RREB1: variants seen among roughly 807,000 people sequenced by gnomAD.
The protein encoded by RREB1 is ras responsive element binding protein 1, also known as ras-responsive element-binding protein 1.
Under a neutral mutation model 117.8 loss-of-function variants are expected in RREB1, and 27 were observed. The observed-to-expected ratio is 0.23, with a 90% CI of 0.17 to 0.32. The LOEUF (loss-of-function observed/expected upper bound fraction) is 0.32. RREB1 is among the 10% of genes least tolerant of loss of function. The probability of loss-of-function intolerance (pLI) is 1.00; values close to 1 mark genes in which losing one functional copy is unlikely to be tolerated. For missense variants in RREB1, 2,577 were observed against 2,378.2 expected (o/e 1.08, Z -1.74); for synonymous variants, 1,298 against 1,026.7 (o/e 1.26, Z -5.05).
chr6:7,245,957 T>C (rs1159661883), intron 11 of RREB1, among the ~76,000 whole-genome samples: 2 of 152,148 alleles, frequency 1.3e-5, no homozygotes, highest in African/African-American at 4.8e-5. Flanking sequence ...ATCAAGACCA[T>C]GCTTTGGAGG....
chr6:7,189,221 G>A lies in RREB1; in HGVS notation c.324G>A (p.Ser108=), dbSNP rs56233031. ...SCSICGKSLS[S]ASSLDRHMLV... The stretch of plus-strand genomic sequence containing the variant: ...GCATCTGCGGAAAGTCACTGAGCTC[G>A]GCCAGCTCCCTCGATCGCCACATGC... The change falls in exon 6 of 13, where the codon TCG becomes TCA. Residue 108 remains serine, a synonymous_variant. Transcript: ENST00000379938. The A allele has an allele frequency of 4.9e-5, 79 of 1,613,508 alleles. No individual in the cohort carries two copies. The highest frequency in any genetic ancestry group is 1.1e-4 in the East Asian group (5 of 44,832).
At chr6:7,144,505 TTAA>T (rs1401108386) in intron 1 of RREB1, among the ~76,000 whole-genome samples, 2 of 152,256 alleles carry the variant, frequency 1.3e-5, no homozygotes, top group African/African-American at 2.4e-5. Flanking sequence ...GGTGATAGCA[TTAA>T]TGTTAGGATT....
chr6:7,238,704 G>C (rs1302740776), intron 10 of RREB1, among the ~76,000 whole-genome samples: 3 of 152,148 alleles, frequency 2.0e-5, no homozygotes, highest in Non-Finnish European at 4.4e-5. Context: ...CTTTTGTTCA[G>C]GTTGCCTTGT....
chr6:7,232,046 C>G (rs952990321), intron 10 of RREB1, 139 bp downstream of exon 10: 15 of 879,112 alleles, frequency 1.7e-5, no homozygotes, highest in Non-Finnish European at 2.0e-5. Context: ...TCCGAAGCCC[C>G]GAGCTTGTCT....
intron 1 of RREB1, among the ~76,000 whole-genome samples, chr6:7,176,343 G>C: frequency 6.6e-6 from 1 of 152,162 alleles, no homozygotes; most frequent in East Asian, 1.9e-4. Context: ...CCATTAGGAT[G>C]CACGAAGCTC....
rs750284070 is a variant in RREB1 at position 7,229,221 on chromosome 6, C to T, written c.1122C>T (p.Asp374=). The part of the protein sequence containing the change: ...LALLGLQHTK[D]VRPAPAEEPL... Reference sequence around the variant, plus strand: ...TGCTTGGCCTGCAGCACACCAAAGACGTCAGGCCTGCCCCCGCCGAGGAGC... The same window carrying T: ...TGCTTGGCCTGCAGCACACCAAAGATGTCAGGCCTGCCCCCGCCGAGGAGC... Residue 374 remains aspartate (D), a synonymous_variant, in exon 10 of 13, where the codon GAC becomes GAT. Coordinates refer to ENST00000379938, the MANE Select transcript of RREB1 (RefSeq NM_001003699.4). This position sits in a 1 kb window ranked among gnomAD's most constrained non-coding sequence, Gnocchi z 4.5. The T allele has an allele frequency of 3.7e-6, 6 of 1,613,576 alleles. No individual in the cohort carries two copies. Among genetic ancestry groups the T allele is most frequent in the African/African-American group, 1.3e-5 (1 of 74,920 alleles).
intron 8 of RREB1, chr6:7,219,092 C>CAAAAAAAAAAAAA (rs57534871): frequency 7.4e-5 from 3 of 40,524 alleles, no homozygotes; most frequent in African/African-American, 1.1e-4. Flanking sequence ...TACTAAAATA[C>CAAAAAAAAAAAAA]AAAAAAAAAA....
chr6:7,238,525 C>T (rs1257122211), intron 10 of RREB1, among the ~76,000 whole-genome samples: 1 of 152,224 alleles, frequency 6.6e-6, no homozygotes, highest in Non-Finnish European at 1.5e-5. Context: ...GCGTGAGCCA[C>T]CGCACATGAC....
intron 1 of RREB1, among the ~76,000 whole-genome samples, chr6:7,162,253 T>G (rs1461242588): frequency 6.6e-6 from 1 of 152,128 alleles, no homozygotes. Flanking sequence ...TATCTCATTT[T>G]AAAAGATGGC....
intron 1 of RREB1, among the ~76,000 whole-genome samples, chr6:7,138,506 G>A (rs967520370): frequency 1.3e-5 from 2 of 152,228 alleles, no homozygotes; most frequent in African/African-American, 4.8e-5. Context: ...ATTAGCTTTT[G>A]TAAGTCTTCA....
Position 7,155,091 on chromosome 6 carries a change from C to T in RREB1, c.-284-21564C>T, listed in dbSNP as rs71559152. Among the ~76,000 whole-genome samples the T allele has an allele frequency of 3.9e-3, 596 of 152,264 alleles. 2 individuals are homozygous for T. Among genetic ancestry groups the T allele is most frequent in the Non-Finnish European group, 5.7e-3 (387 of 68,014 alleles). On this transcript the variant is annotated intron_variant, in intron 1 of 12. Coordinates refer to ENST00000379938, the MANE Select transcript of RREB1 (RefSeq NM_001003699.4). ...GTTTCTCAGAGGGAGATAGTTCAGT[C>T]GCACTAGAAGAATATTTTCTTCAGT...
At chr6:7,247,595 C>T (rs949949532) in intron 12 of RREB1, among the ~76,000 whole-genome samples, 1 of 152,146 alleles carries the variant, frequency 6.6e-6, no homozygotes, top group African/African-American at 2.4e-5. Context: ...CCTGTCTAGT[C>T]CTGTGGCCTG....
chr6:7,236,666 G>A (rs1312065550), intron 10 of RREB1, among the ~76,000 whole-genome samples: 1 of 151,788 alleles, frequency 6.6e-6, no homozygotes, highest in Non-Finnish European at 1.5e-5. Flanking sequence ...GGTTTTCTAT[G>A]CTAGTTAGAC....
chr6:7,195,399 G>A (rs1481656988), intron 6 of RREB1, among the ~76,000 whole-genome samples: 1 of 152,172 alleles, frequency 6.6e-6, no homozygotes, highest in African/African-American at 2.4e-5. Flanking sequence ...GTGCCAGAGA[G>A]AATGGAGTTA....
In RREB1 at chr6:7,246,451, C is replaced by A. The variant is rs1028105322; in HGVS notation, c.4001C>A (p.Ala1334Asp). 3.3e-6 allele frequency: 5 copies of A among 1,502,492 alleles called. No homozygotes were observed. Among genetic ancestry groups the A allele is most frequent in the Middle Eastern group, 1.7e-4 (1 of 5,826 alleles). 93.1% of individuals were successfully genotyped at this position (1,502,492 alleles called of 1,614,324 possible). A position where few individuals can be genotyped will look rare whatever the true frequency, so the allele number is the denominator to read the frequency against. The change falls in exon 12 of 13, where the codon GCC becomes GAC. Residue 1334 changes from alanine to aspartate, a missense_variant. Transcript: ENST00000379938. Reference sequence around the variant, plus strand: ...AGTCAGTCGGATGCGGAGACTGCAGCCGCCGCGGGCGAAGTGCTAGACCTC... The same window carrying A: ...AGTCAGTCGGATGCGGAGACTGCAGACGCCGCGGGCGAAGTGCTAGACCTC... ...TDSQSDAETA[A>D]AAGEVLDLTS...
At chr6:7,248,336 A>T (rs1769229537) in intron 12 of RREB1, among the ~76,000 whole-genome samples, 175 bp from the exon 13 acceptor site, 1 of 152,172 alleles carries the variant, frequency 6.6e-6, no homozygotes, top group African/African-American at 2.4e-5. Context: ...TGAACCAGCA[A>T]ACAGAGCTTG....
At chr6:7,151,492 C>T (rs1429454205) in intron 1 of RREB1, among the ~76,000 whole-genome samples, 10 of 152,214 alleles carry the variant, frequency 6.6e-5, no homozygotes. Flanking sequence ...ACAGGGACTT[C>T]AAAGTGCTTG....
At chr6:7,126,189 GCT>G (rs1561730706) in intron 1 of RREB1, among the ~76,000 whole-genome samples, 5 of 151,894 alleles carry the variant, frequency 3.3e-5, no homozygotes, top group South Asian at 2.1e-4. Flanking sequence ...TTTAGTAGAG[GCT>G]GGGTTTCACT....
At chr6:7,214,967 C>CT (rs1357558497) in intron 8 of RREB1, 1 of 152,246 alleles carries the variant, frequency 6.6e-6, no homozygotes, top group Non-Finnish European at 1.5e-5. Flanking sequence ...ACAAAGCTGC[C>CT]TGTAGAGATG....
Sources: allele counts gnomAD v4.1 joint callset (sites outside exome capture counted in the v4.1 genomes callset), GRCh38; gene constraint gnomAD v4.1.1; non-coding constraint Gnocchi (gnomAD v3.1); transcripts MANE v1.5; gene names NCBI Gene and HGNC (gene_info 2026-07-23, HGNC 2026-07-21).